LMAN2L: variants seen among roughly 807,000 people sequenced by gnomAD.
LMAN2L encodes the protein lectin, mannose binding 2 like.
A neutral mutation model predicts 44.3 loss-of-function variants in LMAN2L; 30 were observed. That is an observed-to-expected ratio of 0.68 (90% confidence interval 0.51 to 0.92). The LOEUF (loss-of-function observed/expected upper bound fraction) is 0.92. Among genes scored for constraint, LMAN2L ranks in the 40% least tolerant of loss-of-function variants. The pLI is 0.00. For synonymous variants in LMAN2L, 183 were observed against 171.1 expected, an observed-to-expected ratio of 1.07 and a Z score of -0.54; for missense variants, 429 against 446.1, an observed-to-expected ratio of 0.96 and a Z score of 0.35.
chr2:96,730,876 T>C (rs1177418374), intron 4 of LMAN2L, among the ~76,000 whole-genome samples: 2 of 152,216 alleles, frequency 1.3e-5, no homozygotes, highest in African/African-American at 2.4e-5. Flanking sequence ...GGTTTCGCCA[T>C]GTTGGCCAGG....
At chr2:96,729,381 G>GTTTAC (rs932380675) in intron 4 of LMAN2L, among the ~76,000 whole-genome samples, 39 of 152,074 alleles carry the variant, frequency 2.6e-4, no homozygotes, top group African/African-American at 9.2e-4. Flanking sequence ...CTCTAAGCCT[G>GTTTAC]TTTACTCACT....
intron 4 of LMAN2L, 62 bp downstream of exon 4, chr2:96,733,457 T>C: frequency 7.9e-7 from 1 of 1,261,458 alleles, no homozygotes. Context: ...CTGTACAACA[T>C]TCCTGAGGCA....
At chr2:96,709,023 C>G (rs1404813900) in intron 6 of LMAN2L, among the ~76,000 whole-genome samples, 1 of 150,760 alleles carries the variant, frequency 6.6e-6, no homozygotes, top group African/African-American at 2.4e-5. Context: ...CAAGCAATTC[C>G]CCTGCCTCAG....
intron 3 of LMAN2L, 70 bp downstream of exon 3, chr2:96,734,339 T>C: frequency 2.1e-6 from 2 of 958,964 alleles, no homozygotes; most frequent in Non-Finnish European, 1.7e-6. Context: ...GGAAGGAACC[T>C]TTTCAAAAAG....
intron 4 of LMAN2L, among the ~76,000 whole-genome samples, chr2:96,731,788 T>C (rs1436081337): frequency 1.3e-5 from 2 of 151,882 alleles, no homozygotes; most frequent in African/African-American, 2.4e-5. Context: ...CTTGCTCTGT[T>C]GCCCAGGCTG....
chr2:96,731,148 T>C (rs563765088), intron 4 of LMAN2L, among the ~76,000 whole-genome samples: 30 of 152,300 alleles, frequency 2.0e-4, no homozygotes, highest in Non-Finnish European at 3.4e-4. Flanking sequence ...CCTCCCATAG[T>C]GCCCCAGAGT....
chr2:96,713,553 T>C (rs2077974118), intron 4 of LMAN2L, among the ~76,000 whole-genome samples: 1 of 152,172 alleles, frequency 6.6e-6, no homozygotes, highest in African/African-American at 2.4e-5. Context: ...GCCTACTGTA[T>C]TTCTATAGCA....
At chr2:96,712,893 G>A (rs2077958415) in intron 4 of LMAN2L, among the ~76,000 whole-genome samples, 1 of 152,236 alleles carries the variant, frequency 6.6e-6, no homozygotes, top group Non-Finnish European at 1.5e-5. Flanking sequence ...CAAAAAGGCA[G>A]GGTAGTGAGG....
At chr2:96,715,114 T>C (rs990943343) in intron 4 of LMAN2L, among the ~76,000 whole-genome samples, 1 of 152,076 alleles carries the variant, frequency 6.6e-6, no homozygotes, top group Non-Finnish European at 1.5e-5. Context: ...AATTTTTGTA[T>C]TTTTAGTAGA....
At chr2:96,726,111 G>T (rs912713259) in intron 4 of LMAN2L, among the ~76,000 whole-genome samples, 8 of 150,656 alleles carry the variant, frequency 5.3e-5, no homozygotes, top group Admixed American at 1.3e-4. Flanking sequence ...CAACCTGTGT[G>T]ACAGAGCAAG....
chr2:96,739,758 C>T (rs2078594566), intron 1 of LMAN2L, 96 bp downstream of exon 1: 2 of 1,291,770 alleles, frequency 1.5e-6, no homozygotes, highest in African/African-American at 1.5e-5. Flanking sequence ...CAGTTTCCTC[C>T]GGGCCACGAA....
chr2:96,733,912 C>A (rs1419030793), intron 3 of LMAN2L, among the ~76,000 whole-genome samples: 1 of 152,162 alleles, frequency 6.6e-6, no homozygotes, highest in Non-Finnish European at 1.5e-5. Flanking sequence ...GCTTTACAAA[C>A]AATTGGTAAA....
At position 96,705,966 on chromosome 2, in the gene LMAN2L, C is replaced by G. The variant is rs936840778; in HGVS notation, c.*1290G>C. 1 of 152,458 alleles carries G rather than the reference C, an allele frequency of 6.6e-6. No individual in the cohort carries two copies. Among genetic ancestry groups the G allele is most frequent in the Non-Finnish European group, 1.5e-5 (1 of 68,048 alleles). The allele number at this position is 152,458 out of a possible 1,614,324, so 9.4% of individuals were successfully genotyped here. A position where few individuals can be genotyped will look rare whatever the true frequency, so the allele number is the denominator to read the frequency against. The stretch of plus-strand genomic sequence containing the variant: ...GGTGATTTTAAGAATTTCATTTAGG[C>G]TACAGAGGTTCATAGGAGGACTCAG... On this transcript the variant is annotated 3_prime_UTR_variant, in exon 8 of 8. Transcript: ENST00000264963.
Position 96,737,990 on chromosome 2 carries a change from G to T in LMAN2L, c.265C>A (p.Pro89Thr). The stretch of plus-strand genomic sequence containing the variant: ...GCACCCTGTTTACTTTGCATATCTG[G>T]GGTAAGGCGGATATACTGGGTCATC... Reference protein sequence around the residue: ...MVMTQYIRLTPDMQSKQGALW... With the variant: ...MVMTQYIRLTTDMQSKQGALW... Residue 89 changes from proline (P) to threonine (T), a missense_variant, in exon 2 of 8, where the codon CCA becomes ACA. Transcript: ENST00000264963. The T allele has an allele frequency of 6.2e-7, 1 of 1,613,936 alleles. No homozygotes were observed. Among genetic ancestry groups the T allele is most frequent in the Middle Eastern group, 1.6e-4 (1 of 6,062 alleles).
intron 4 of LMAN2L, among the ~76,000 whole-genome samples, chr2:96,721,817 T>C (rs2078163186): frequency 6.6e-6 from 1 of 151,950 alleles, no homozygotes. Flanking sequence ...ATTATAACAA[T>C]ATATCACATT....
Position 96,738,052 on chromosome 2 carries a change from C to T in LMAN2L, c.203G>A (p.Ser68Asn). Residue 68 changes from serine to asparagine, a missense_variant, in exon 2 of 8, where the codon AGT becomes AAT. Transcript: ENST00000264963. ...GCCCATCAGATTCCACAGTGAGGAACTGCCTGTGCCCACACCTACAGGAAG... is the reference window on the plus strand; with the variant it reads ...GCCCATCAGATTCCACAGTGAGGAATTGCCTGTGCCCACACCTACAGGAAG... ...SKPYQGVGTG[S>N]SSLWNLMGNA... 6.2e-7 allele frequency: 1 copy of T among 1,613,232 alleles called. No individual in the cohort carries two copies. The highest frequency in any genetic ancestry group is 8.5e-7 in the Non-Finnish European group (1 of 1,179,182).
chr2:96,724,811 T>A (rs942635769), intron 4 of LMAN2L, among the ~76,000 whole-genome samples: 1 of 151,630 alleles, frequency 6.6e-6, no homozygotes, highest in Non-Finnish European at 1.5e-5. Flanking sequence ...GAAGCTCAGC[T>A]AATTTTTTTA....
intron 4 of LMAN2L, among the ~76,000 whole-genome samples, chr2:96,719,631 T>C (rs2078109968): frequency 6.6e-6 from 1 of 152,148 alleles, no homozygotes; most frequent in Admixed American, 6.6e-5. Context: ...AGTCTCACTC[T>C]GTTGCCCATG....
chr2:96,726,297 T>G (rs2078270261), intron 4 of LMAN2L, among the ~76,000 whole-genome samples: 1 of 151,916 alleles, frequency 6.6e-6, no homozygotes, highest in Non-Finnish European at 1.5e-5. Context: ...TTTTCCATAT[T>G]CTGTCATCTG....
Sources: allele counts gnomAD v4.1 joint callset (sites outside exome capture counted in the v4.1 genomes callset), GRCh38; gene constraint gnomAD v4.1.1; transcripts MANE v1.5; gene names NCBI Gene and HGNC (gene_info 2026-07-23, HGNC 2026-07-21).